The following R3HDM2 variants were observed in gnomAD, a reference collection of about 807,000 sequenced individuals.
R3HDM2 encodes R3H domain containing 2, also known as R3H domain-containing protein 2.
A neutral mutation model predicts 124.5 loss-of-function variants in R3HDM2; 38 were observed. That is an observed-to-expected ratio of 0.31 (90% CI 0.24 to 0.40). R3HDM2 has a LOEUF of 0.40. R3HDM2 is among the 10% of genes least tolerant of loss of function. R3HDM2 has a pLI of 1.00. For missense variants in R3HDM2, 869 were observed against 1,236.9 expected (o/e 0.70, Z 4.46); for synonymous variants, 391 against 448.0 (o/e 0.87, Z 1.61).
In R3HDM2 at chr12:57,296,660, T is replaced by C. The variant is rs1038809114; in HGVS notation, c.561-109A>G. ...AAAGTGGAAAGTTTCTTAGGAGAAATAGACATATTATAAGGAATATAGATA... is the reference window on the plus strand; with the variant it reads ...AAAGTGGAAAGTTTCTTAGGAGAAACAGACATATTATAAGGAATATAGATA... On this transcript the variant is annotated intron_variant, in intron 8 of 23. Coordinates refer to ENST00000402412, the MANE Select transcript of R3HDM2 (RefSeq NM_001394031.1). The surrounding 1 kb of genome is among the most constrained non-coding windows in gnomAD (Gnocchi z 4.5). The C allele has an allele frequency of 2.5e-5, 29 of 1,146,240 alleles. No individual in the cohort carries two copies. The highest frequency in any genetic ancestry group is 5.1e-5 in the East Asian group (2 of 38,840). 71.0% of individuals were successfully genotyped at this position (1,146,240 alleles called of 1,614,324 possible). A position where few individuals can be genotyped will look rare whatever the true frequency, so the allele number is the denominator to read the frequency against.
At chr12:57,317,024 G>T (rs1339545238) in intron 2 of R3HDM2, among the ~76,000 whole-genome samples, 1 of 152,032 alleles carries the variant, frequency 6.6e-6, no homozygotes, top group Non-Finnish European at 1.5e-5. Context: ...AGGGATTACA[G>T]GCGTGAGACA....
chr12:57,268,790 A>G, intron 17 of R3HDM2, 132 bp downstream of exon 17: 1 of 1,236,276 alleles, frequency 8.1e-7, no homozygotes, highest in Non-Finnish European at 1.1e-6. Context: ...TATAGGAAAA[A>G]AACCTAAAAA....
chr12:57,407,252 G>C (rs928016845), intron 1 of R3HDM2, among the ~76,000 whole-genome samples: 4 of 126,548 alleles, frequency 3.2e-5, no homozygotes, highest in African/African-American at 1.1e-4. Flanking sequence ...TCCTTCTCAA[G>C]AGAAAAAAAA....
chr12:57,257,066 G>C (rs2039283925), intron 21 of R3HDM2, among the ~76,000 whole-genome samples: 1 of 152,084 alleles, frequency 6.6e-6, no homozygotes, highest in Admixed American at 6.6e-5. Context: ...TGATCCGCCT[G>C]CCCCGGGCTC....
chr12:57,285,091 G>A (rs1049745957), intron 12 of R3HDM2, among the ~76,000 whole-genome samples: 3 of 152,074 alleles, frequency 2.0e-5, no homozygotes, highest in Non-Finnish European at 2.9e-5. Flanking sequence ...TAGGTATACC[G>A]AGGAATAATT....
intron 1 of R3HDM2, among the ~76,000 whole-genome samples, chr12:57,413,517 C>T (rs1271409242): frequency 6.6e-6 from 1 of 151,374 alleles, no homozygotes; most frequent in Non-Finnish European, 1.5e-5. Context: ...GGGCAGATCG[C>T]TTGAAGTCAG....
chr12:57,430,621 A>AG, intron 1 of R3HDM2, 99 bp downstream of exon 1: 1 of 983,060 alleles, frequency 1.0e-6, no homozygotes, highest in Non-Finnish European at 1.2e-6. Flanking sequence ...CGAGGAACCC[A>AG]GGCCGCGGGG....
chr12:57,307,986 G>C (rs969952116), intron 3 of R3HDM2, among the ~76,000 whole-genome samples: 2 of 151,822 alleles, frequency 1.3e-5, no homozygotes, highest in Non-Finnish European at 1.5e-5. Context: ...AAGGAGTCAA[G>C]TCAGAGAGGA....
intron 2 of R3HDM2, among the ~76,000 whole-genome samples, chr12:57,374,099 G>A (rs188780485): frequency 2.2e-4 from 33 of 152,232 alleles, no homozygotes; most frequent in African/African-American, 7.7e-4. Context: ...CTGCACTCCA[G>A]CCTGGGTGCC....
chr12:57,300,977 G>A (rs1459309636), intron 4 of R3HDM2, among the ~76,000 whole-genome samples: 2 of 152,006 alleles, frequency 1.3e-5, no homozygotes. Flanking sequence ...GGTAGCACAT[G>A]ACTGTGGTCC....
intron 10 of R3HDM2, among the ~76,000 whole-genome samples, chr12:57,294,560 T>C (rs1268704194): frequency 6.6e-6 from 1 of 152,146 alleles, no homozygotes; most frequent in African/African-American, 2.4e-5. Context: ...AGAAAACTAA[T>C]TTTGACACTA....
chr12:57,272,997 A>G (rs1292459158), intron 14 of R3HDM2, among the ~76,000 whole-genome samples: 1 of 152,134 alleles, frequency 6.6e-6, no homozygotes, highest in African/African-American at 2.4e-5. Flanking sequence ...TCCTGTCTGC[A>G]CTGCTGCACT....
chr12:57,398,485 T>G (rs527708174), intron 1 of R3HDM2, among the ~76,000 whole-genome samples: 2 of 152,004 alleles, frequency 1.3e-5, no homozygotes, highest in East Asian at 1.9e-4. Flanking sequence ...TCTCTCTTCC[T>G]TTCTCTCTCT....
chr12:57,268,389 C>T lies in R3HDM2; in HGVS notation c.1944G>A (p.Val648=). The change falls in exon 18 of 24, where the codon GTG becomes GTA. Residue 648 remains valine (V), a synonymous_variant. Coordinates refer to ENST00000402412, the MANE Select transcript of R3HDM2 (RefSeq NM_001394031.1). ...GGAGGCCTCCTTGCACAGACTGGCT[C>T]ACAGGGACCAGCATGGGTTGCTGGA... ...PPFQQPMLVP[V]SQSVQGGLPA... The T allele has an allele frequency of 1.2e-6, 2 of 1,614,054 alleles. No individual in the cohort carries two copies. Among genetic ancestry groups the T allele is most frequent in the Non-Finnish European group, 1.7e-6 (2 of 1,180,012 alleles).
chr12:57,430,496 C>T, intron 1 of R3HDM2: 2 of 940,712 alleles, frequency 2.1e-6, no homozygotes, highest in Non-Finnish European at 2.5e-6. Flanking sequence ...CCTGCCCCCG[C>T]ACCGCCGCCC....
At position 57,371,083 on chromosome 12, in the gene R3HDM2, CTTTTTTT is replaced by C. The variant is rs775839017; in HGVS notation, c.-36+24659_-36+24665del. On this transcript the variant is annotated intron_variant, in intron 2 of 23. Transcript: ENST00000402412. Reference sequence around the variant, plus strand: ...AATGGGAACCAAATATATACCATTACTTTTTTTTTTTTTTTTTTTTTTTTTTTTTTAA... The same window carrying C: ...AATGGGAACCAAATATATACCATTACTTTTTTTTTTTTTTTTTTTTTTTAA... Among the ~76,000 whole-genome samples the C allele has an allele frequency of 7.8e-4, 32 of 40,898 alleles. No individual in the cohort carries two copies. In the East Asian group the frequency reaches 0.018, roughly 23 times the overall value. 26.8% of individuals were successfully genotyped at this position (40,898 alleles called of 152,430 possible). A position where few individuals can be genotyped will look rare whatever the true frequency, so the allele number is the denominator to read the frequency against.
At chr12:57,312,385 G>A (rs1036355910) in intron 2 of R3HDM2, among the ~76,000 whole-genome samples, 1 of 149,288 alleles carries the variant, frequency 6.7e-6, no homozygotes, top group African/African-American at 2.5e-5. Context: ...ATAGCTCACT[G>A]CAGCCTCAAA....
intron 1 of R3HDM2, among the ~76,000 whole-genome samples, chr12:57,404,150 T>G (rs1331452547): frequency 7.7e-6 from 1 of 129,876 alleles, no homozygotes. Flanking sequence ...CCACAACCTC[T>G]GCCTCCCGGG....
intron 21 of R3HDM2, among the ~76,000 whole-genome samples, chr12:57,257,500 AT>A (rs1860495298): frequency 6.6e-6 from 1 of 152,166 alleles, no homozygotes; most frequent in Non-Finnish European, 1.5e-5. Context: ...TTCCCATCTT[AT>A]GTGTGATTAA....
Sources: gnomAD v4.1 joint callset for allele counts (sites outside exome capture counted in the v4.1 genomes callset) on GRCh38, gnomAD v4.1.1 for gene constraint, Gnocchi (gnomAD v3.1) non-coding constraint, MANE v1.5 for transcripts, NCBI Gene and HGNC (gene_info 2026-07-23, HGNC 2026-07-21) for gene names.